The following MYO16 variants were observed in gnomAD, a reference collection of about 807,000 sequenced individuals.
MYO16 encodes myosin XVI.
MYO16 carries 94 observed loss-of-function variants against 205.3 expected under a neutral mutation model. That is an observed-to-expected ratio of 0.46 (90% CI 0.39 to 0.54). The LOEUF is 0.54. Ranked by LOEUF, MYO16 falls within the 20% of genes least tolerant of loss-of-function variation. MYO16 has a pLI of 0.00. For missense variants in MYO16, 2,315 were observed against 2,387.5 expected (o/e 0.97, Z 0.63); for synonymous variants, 988 against 954.0 (o/e 1.04, Z -0.66).
At chr13:108,665,791 G>A (rs766787232) in intron 1 of MYO16, 95 bp from the exon 2 acceptor site, 57 of 1,313,112 alleles carry the variant, frequency 4.3e-5, no homozygotes, top group Middle Eastern at 2.3e-4. Flanking sequence ...TTTATGACCT[G>A]TGCAATGGAC....
At chr13:108,533,808 G>C in the MYO16 span, among the ~76,000 whole-genome samples, 2 of 152,090 alleles carry the variant, frequency 1.3e-5, no homozygotes, top group Non-Finnish European at 2.9e-5. Context: ...AAATGGCCTT[G>C]AAGGAAAAAA....
intron 2 of MYO16, among the ~76,000 whole-genome samples, chr13:108,693,114 TTTC>T (rs749835548): frequency 6.6e-6 from 1 of 152,206 alleles, no homozygotes; most frequent in Non-Finnish European, 1.5e-5. Flanking sequence ...AACACTAGAT[TTTC>T]TATACAGATA....
At chr13:108,776,483 G>A (rs71435301) in intron 4 of MYO16, among the ~76,000 whole-genome samples, 5,351 of 152,236 alleles carry the variant, frequency 0.035, 146 homozygotes, top group Non-Finnish European at 0.053. Context: ...CTCAAGCTTT[G>A]CCATAGGCAC....
intron 32 of MYO16, among the ~76,000 whole-genome samples, chr13:109,143,753 C>G: frequency 6.6e-6 from 1 of 152,294 alleles, no homozygotes; most frequent in Middle Eastern, 3.4e-3. Context: ...GAACACACAT[C>G]AAAATCTCAA....
chr13:109,063,063 G>C (rs925505573), intron 27 of MYO16, among the ~76,000 whole-genome samples: 33 of 152,272 alleles, frequency 2.2e-4, no homozygotes, highest in African/African-American at 6.7e-4. Context: ...AGCAACCACT[G>C]CTTTGAATGG....
Position 109,001,820 on chromosome 13 carries a change from G to A in MYO16, c.2443-7077G>A, listed in dbSNP as rs189410972. On this transcript the variant is annotated intron_variant, in intron 21 of 34. Coordinates refer to ENST00000457511, the MANE Select transcript of MYO16 (RefSeq NM_001198950.3). ...ATTTCCCCAATGGGCTTCTGCTTAG[G>A]TAGGGTTTTTAGACAACAGCTATTA... Among the ~76,000 whole-genome samples the A allele has an allele frequency of 3.4e-3, 519 of 151,648 alleles. 5 individuals are homozygous for A. The highest frequency in any genetic ancestry group is 0.011 in the African/African-American group (472 of 41,422).
At chr13:109,168,955 A>G (rs764185921) in intron 33 of MYO16, among the ~76,000 whole-genome samples, 2 of 152,118 alleles carry the variant, frequency 1.3e-5, no homozygotes, top group Non-Finnish European at 2.9e-5. Flanking sequence ...TTTAGTGTCC[A>G]CATCAACTGA....
At chr13:108,559,460 T>G in the MYO16 span, among the ~76,000 whole-genome samples, 4 of 146,676 alleles carry the variant, frequency 2.7e-5, no homozygotes, top group Admixed American at 2.8e-4. Context: ...TCTTTTTTTC[T>G]TTTTCTTTTC....
intron 29 of MYO16, among the ~76,000 whole-genome samples, chr13:109,124,612 A>G (rs939191617): frequency 2.6e-5 from 4 of 152,186 alleles, no homozygotes; most frequent in African/African-American, 9.7e-5. Context: ...GATGTCCTAT[A>G]TTTATACACA....
At chr13:108,856,698 C>T (rs1381818104) in intron 11 of MYO16, among the ~76,000 whole-genome samples, 1 of 151,766 alleles carries the variant, frequency 6.6e-6, no homozygotes, top group African/African-American at 2.4e-5. Context: ...TTTTGTCTTT[C>T]TTTACCCATT....
At chr13:108,909,886 T>C (rs1881176412) in intron 15 of MYO16, 117 bp from the exon 16 acceptor site, 5 of 1,059,764 alleles carry the variant, frequency 4.7e-6, no homozygotes, top group Admixed American at 2.3e-5. Flanking sequence ...TGTAAATAGA[T>C]GGGAAAGGGA....
intron 23 of MYO16, among the ~76,000 whole-genome samples, chr13:109,030,633 A>G (rs1006947429): frequency 1.6e-4 from 25 of 152,078 alleles, no homozygotes; most frequent in African/African-American, 5.3e-4. Flanking sequence ...CAGAGCAGGG[A>G]GCTTATCGAC....
intron 3 of MYO16, among the ~76,000 whole-genome samples, chr13:108,713,680 T>C (rs1883811471): frequency 1.3e-5 from 2 of 152,214 alleles, no homozygotes; most frequent in Admixed American, 6.5e-5. Context: ...GAAACTGGTG[T>C]ATACCAAAGG....
At chr13:109,008,229 G>C (rs952634764) in intron 21 of MYO16, among the ~76,000 whole-genome samples, 2 of 152,226 alleles carry the variant, frequency 1.3e-5, no homozygotes, top group Non-Finnish European at 2.9e-5. Context: ...GAAACTCCCT[G>C]AGTCAATACT....
intron 21 of MYO16, among the ~76,000 whole-genome samples, chr13:109,004,928 G>A (rs983389572): frequency 3.3e-5 from 5 of 152,176 alleles, no homozygotes; most frequent in Admixed American, 6.5e-5. Flanking sequence ...CTCATCCGAA[G>A]CAACTGTTTT....
chr13:109,148,051 G>A (rs1382566942), intron 32 of MYO16, among the ~76,000 whole-genome samples: 2 of 152,126 alleles, frequency 1.3e-5, no homozygotes, highest in Non-Finnish European at 2.9e-5. Context: ...TTGCCTCTCT[G>A]TAGTAGCCAA....
At chr13:109,020,026 A>G (rs1387299493) in intron 23 of MYO16, 115 bp downstream of exon 23, 2 of 1,002,474 alleles carry the variant, frequency 2.0e-6, no homozygotes, top group Non-Finnish European at 2.9e-6. Context: ...TGGAAGCTGG[A>G]TGAACAACCC....
intron 9 of MYO16, among the ~76,000 whole-genome samples, chr13:108,825,406 C>G (rs1359186032): frequency 1.3e-5 from 2 of 151,248 alleles, no homozygotes; most frequent in Non-Finnish European, 2.9e-5. Flanking sequence ...TGATAAGGGG[C>G]AAGTACCAAA....
At chr13:108,913,014 T>C (rs901042347) in intron 16 of MYO16, among the ~76,000 whole-genome samples, 8 of 152,192 alleles carry the variant, frequency 5.3e-5, no homozygotes, top group African/African-American at 1.7e-4. Flanking sequence ...TGTATTGAGC[T>C]TCAATTCTGA....
Sources: allele counts gnomAD v4.1 joint callset (sites outside exome capture counted in the v4.1 genomes callset), GRCh38; gene constraint gnomAD v4.1.1; transcripts MANE v1.5; gene names NCBI Gene and HGNC (gene_info 2026-07-23, HGNC 2026-07-21).